LARP4B: variants seen among roughly 807,000 people sequenced by gnomAD.
LARP4B encodes the protein la-related protein 4B.
In LARP4B, 12 loss-of-function variants were observed where a neutral mutation model predicts 89.8. The ratio of observed to expected loss-of-function variants is 0.13; its 90% CI spans 0.09 to 0.22. LARP4B has a LOEUF of 0.22. Ranked by LOEUF, LARP4B falls within the 10% of genes least tolerant of loss-of-function variation. The pLI, the probability that LARP4B is intolerant of heterozygous loss-of-function variation, is 1.00. For synonymous variants in LARP4B, 367 were observed against 363.3 expected, an observed-to-expected ratio of 1.01 and a Z score of -0.12; for missense variants, 757 against 947.7, an observed-to-expected ratio of 0.80 and a Z score of 2.64.
At chr10:894,551 G>C (rs1040489883) in intron 1 of LARP4B, among the ~76,000 whole-genome samples, 1 of 151,940 alleles carries the variant, frequency 6.6e-6, no homozygotes, top group Non-Finnish European at 1.5e-5. Flanking sequence ...AGGTTGCCTA[G>C]GTAATAAAGA....
At chr10:956,118 G>A in the LARP4B span, among the ~76,000 whole-genome samples, 1 of 152,122 alleles carries the variant, frequency 6.6e-6, no homozygotes, top group Non-Finnish European at 1.5e-5. The surrounding 1 kb of genome is among the most constrained non-coding windows in gnomAD (Gnocchi z 4.3). Flanking sequence ...TTGCACAGCG[G>A]CTCTGGGAGC....
intron 1 of LARP4B, among the ~76,000 whole-genome samples, chr10:915,597 G>A (rs1438298448): frequency 1.3e-5 from 2 of 152,170 alleles, no homozygotes; most frequent in African/African-American, 2.4e-5. Flanking sequence ...GAGGTCAGGA[G>A]ATCGAGACCA....
intron 1 of LARP4B, among the ~76,000 whole-genome samples, chr10:899,899 G>A (rs141754498): frequency 6.6e-6 from 1 of 151,618 alleles, no homozygotes. Flanking sequence ...ATCTCCTTGG[G>A]AATCAATTAG....
chr10:887,587 T>G (rs1420012593), intron 1 of LARP4B, among the ~76,000 whole-genome samples: 2 of 151,534 alleles, frequency 1.3e-5, no homozygotes, highest in African/African-American at 4.9e-5. Flanking sequence ...GGCGGGCACC[T>G]GTAGTCCCAG....
At chr10:850,353 C>G (rs369334678) in intron 5 of LARP4B, among the ~76,000 whole-genome samples, 1 of 152,054 alleles carries the variant, frequency 6.6e-6, no homozygotes, top group African/African-American at 2.4e-5. Context: ...CATATTAAGG[C>G]TAGTCAAAAG....
chr10:881,335 G>C (rs1835659136), intron 3 of LARP4B, among the ~76,000 whole-genome samples: 1 of 152,102 alleles, frequency 6.6e-6, no homozygotes. Context: ...TCTAAGTTGT[G>C]TCTACCACTC....
At chr10:816,318 C>A (rs1832053860) in intron 15 of LARP4B, among the ~76,000 whole-genome samples, 1 of 152,238 alleles carries the variant, frequency 6.6e-6, no homozygotes. Context: ...TGAAGCAAGT[C>A]AGAGTGACCA....
At chr10:968,507 T>C in the LARP4B span, among the ~76,000 whole-genome samples, 4 of 152,224 alleles carry the variant, frequency 2.6e-5, no homozygotes, top group African/African-American at 9.7e-5. Flanking sequence ...TGTGAGCATC[T>C]TGACTATCGC....
chr10:868,166 T>G (rs909757346), intron 3 of LARP4B, among the ~76,000 whole-genome samples: 2 of 151,266 alleles, frequency 1.3e-5, no homozygotes, highest in Admixed American at 6.6e-5. Flanking sequence ...GGAACTGGAG[T>G]AATTAATGCT....
intron 7 of LARP4B, among the ~76,000 whole-genome samples, 168 bp downstream of exon 7, chr10:842,764 G>A (rs534219575): frequency 2.6e-5 from 4 of 152,244 alleles, no homozygotes; most frequent in South Asian, 4.1e-4. Context: ...ACTATCAGGC[G>A]CTACTCCAGA....
intron 14 of LARP4B, 99 bp downstream of exon 14, chr10:820,701 A>G (rs1195653049): frequency 1.7e-5 from 19 of 1,088,346 alleles, no homozygotes; most frequent in Non-Finnish European, 2.4e-5. Flanking sequence ...TGAAATGCTC[A>G]TTCTTGTGCC....
At chr10:872,066 G>A (rs559177498) in intron 3 of LARP4B, among the ~76,000 whole-genome samples, 3 of 152,288 alleles carry the variant, frequency 2.0e-5, no homozygotes, top group Admixed American at 1.3e-4. Flanking sequence ...CAGGACACAC[G>A]CATGACTTAG....
chr10:916,908 G>A (rs149956281), intron 1 of LARP4B, among the ~76,000 whole-genome samples: 1 of 152,252 alleles, frequency 6.6e-6, no homozygotes, highest in Non-Finnish European at 1.5e-5. Context: ...ATGTTGGCCA[G>A]GCTGGTCTTG....
In LARP4B at chr10:888,349, A is replaced by ACAC. The variant is rs1554804778; in HGVS notation, c.-39-2590_-39-2589insGTG. ...ACAAACAAACAAACAAAAAAAAAAA[A>ACAC]ACACACACACACACACAAACAAAAA... On this transcript the variant is annotated intron_variant, in intron 1 of 17. Coordinates refer to ENST00000316157, the MANE Select transcript of LARP4B (RefSeq NM_015155.3). 4.0e-5 allele frequency among the ~76,000 whole-genome samples: 6 copies of ACAC among 151,116 alleles called. No individual in the cohort carries two copies. The East Asian group carries it at 9.7e-4, about 24-fold the overall frequency.
intron 2 of LARP4B, among the ~76,000 whole-genome samples, chr10:884,932 T>C (rs1197587889): frequency 1.3e-5 from 2 of 152,202 alleles, no homozygotes; most frequent in Non-Finnish European, 2.9e-5. Flanking sequence ...TGGATTTGAG[T>C]ATCTAGAGCT....
chr10:836,512 A>G lies in LARP4B; in HGVS notation c.647-6T>C. The G allele has an allele frequency of 1.3e-6, 2 of 1,572,564 alleles. No homozygotes were observed. Among genetic ancestry groups the G allele is most frequent in the Non-Finnish European group, 1.7e-6 (2 of 1,145,832 alleles). On this transcript the variant is annotated splice_region_variant and splice_polypyrimidine_tract_variant and intron_variant, in intron 7 of 17. Transcript: ENST00000316157. The stretch of plus-strand genomic sequence containing the variant: ...CACTTGGACTAAAGGTAAAGCTACA[A>G]AGAGAAGAAAAATCAATGGTGAAAC...
At chr10:863,139 T>C (rs1180971694) in intron 5 of LARP4B, among the ~76,000 whole-genome samples, 1 of 152,110 alleles carries the variant, frequency 6.6e-6, no homozygotes, top group Non-Finnish European at 1.5e-5. Flanking sequence ...TCCCCCTCCC[T>C]TTACCCAAAC....
chr10:876,770 A>C (rs571953686), intron 3 of LARP4B, among the ~76,000 whole-genome samples: 8 of 152,206 alleles, frequency 5.3e-5, no homozygotes, highest in African/African-American at 1.9e-4. Context: ...TTCAACTCCA[A>C]ATTTCTGCTT....
Position 886,971 on chromosome 10 carries a change from C to A in LARP4B, c.-39-1211G>T, listed in dbSNP as rs186688171. Reference sequence around the variant, plus strand: ...GGGTGTGGTGGTGCATGCCTGTAATCCCAGCTACTATAGGCTGAGGCACAA... The same window carrying A: ...GGGTGTGGTGGTGCATGCCTGTAATACCAGCTACTATAGGCTGAGGCACAA... On this transcript the variant is annotated intron_variant, in intron 1 of 17. Transcript: ENST00000316157. Among the ~76,000 whole-genome samples, 100 of 152,198 alleles carry A rather than the reference C, an allele frequency of 6.6e-4. 1 individual carries two copies. Among genetic ancestry groups the A allele is most frequent in the Admixed American group, 6.4e-3 (98 of 15,278 alleles).
Sources: gnomAD v4.1 joint callset for allele counts (sites outside exome capture counted in the v4.1 genomes callset) on GRCh38, gnomAD v4.1.1 for gene constraint, Gnocchi (gnomAD v3.1) non-coding constraint, MANE v1.5 for transcripts, NCBI Gene and HGNC (gene_info 2026-07-23, HGNC 2026-07-21) for gene names.